PCDHA2: variants seen among roughly 807,000 people sequenced by gnomAD.
The protein encoded by PCDHA2 is protocadherin alpha-2.
A neutral mutation model predicts 66.0 loss-of-function variants in PCDHA2; 58 were observed. The observed-to-expected ratio is 0.88, with a 90% CI of 0.71 to 1.09. The LOEUF (loss-of-function observed/expected upper bound fraction) is 1.09. Among genes scored for constraint, PCDHA2 ranks in the 50% least tolerant of loss-of-function variants. The probability of loss-of-function intolerance (pLI) is 0.00; values close to 1 mark genes in which losing one functional copy is unlikely to be tolerated. For synonymous variants in PCDHA2, 634 were observed against 554.0 expected (o/e 1.14, Z -2.03); for missense variants, 1,267 against 1,242.3 (o/e 1.02, Z -0.30).
intron 1 of PCDHA2, among the ~76,000 whole-genome samples, chr5:140,897,558 T>A (rs1413076305): frequency 3.3e-5 from 5 of 152,186 alleles, no homozygotes; most frequent in African/African-American, 1.2e-4. Context: ...ATGGTGTATA[T>A]GTGCCACATT....
chr5:140,883,712 G>A lies in PCDHA2; in HGVS notation c.2388+86360G>A, dbSNP rs372048294. On this transcript the variant is annotated intron_variant, in intron 1 of 3. Transcript: ENST00000526136. ...CATCTTCACGGTGTCTGCTCAGGAC[G>A]CGGACGCACAGGAGAACGCGCTGGT... 1.6e-5 allele frequency: 26 copies of A among 1,613,658 alleles called. No homozygotes were observed. The highest frequency in any genetic ancestry group is 2.2e-5 in the East Asian group (1 of 44,880).
chr5:140,967,273 A>G lies in PCDHA2; in HGVS notation c.2389-11676A>G, dbSNP rs2096121712. The G allele has an allele frequency of 1.9e-6, 3 of 1,613,332 alleles. No individual in the cohort carries two copies. Among genetic ancestry groups the G allele is most frequent in the South Asian group, 2.2e-5 (2 of 91,074 alleles). On this transcript the variant is annotated intron_variant, in intron 1 of 3. Transcript: ENST00000526136. ...TGGCGCCTGGAGCGCGCTTTCACAT[A>G]GAGAGTGCGCAGGACCCCGACGTGG...
intron 1 of PCDHA2, chr5:140,803,901 A>G: frequency 1.9e-6 from 1 of 524,668 alleles, no homozygotes; most frequent in South Asian, 2.4e-5. Flanking sequence ...CATTATTTAG[A>G]GAATCTGACT....
At position 140,795,928 on chromosome 5, in the gene PCDHA2, G is replaced by T; in HGVS notation, c.964G>T (p.Ala322Ser). The change falls in exon 1 of 4, where the codon GCA becomes TCA. Residue 322 changes from alanine (A) to serine (S), a missense_variant. By Grantham distance (99) the Ala-to-Ser change is moderately conservative. Transcript: ENST00000526136. ...AAAGTCCTACGAGATTCAGGTCACT[G>T]CAACTGACAAAGGAACCCCTTCAAT... ...EAKSYEIQVT[A>S]TDKGTPSMSG... 1.2e-6 allele frequency: 2 copies of T among 1,613,978 alleles called. No homozygotes were observed. Among genetic ancestry groups the T allele is most frequent in the Non-Finnish European group, 1.7e-6 (2 of 1,179,920 alleles).
intron 3 of PCDHA2, among the ~76,000 whole-genome samples, chr5:140,993,462 T>TCTCACA (rs1235362335): frequency 7.1e-6 from 1 of 140,938 alleles, no homozygotes; most frequent in Non-Finnish European, 1.5e-5. Flanking sequence ...TCTTTCTTTC[T>TCTCACA]CACACACACA....
chr5:140,796,868 G>A lies in PCDHA2; in HGVS notation c.1904G>A (p.Arg635His). The change falls in exon 1 of 4, where the codon CGT (arginine) becomes CAT (histidine). Residue 635 changes from arginine (R) to histidine (H), a missense_variant. Arg to His is a conservative substitution (Grantham distance 29, BLOSUM62 0). Coordinates refer to ENST00000526136, the MANE Select transcript of PCDHA2 (RefSeq NM_018905.3). ...TACACGGGTGAGATCAGCACGACAC[G>A]TGCCCTAGACGAGGCTGACTCCCCT... The part of the protein sequence containing the change: ...GLYTGEISTT[R>H]ALDEADSPRH... 6 of 1,614,054 alleles carry A rather than the reference G, an allele frequency of 3.7e-6. No homozygotes were observed. Among genetic ancestry groups the A allele is most frequent in the Non-Finnish European group, 5.1e-6 (6 of 1,179,996 alleles).
intron 3 of PCDHA2, among the ~76,000 whole-genome samples, chr5:140,994,582 G>A (rs1179279862): frequency 6.6e-6 from 1 of 152,062 alleles, no homozygotes; most frequent in Non-Finnish European, 1.5e-5. Context: ...GCATGCACTT[G>A]TAGTCTCAGC....
At chr5:140,978,319 A>G (rs1294780698) in intron 1 of PCDHA2, among the ~76,000 whole-genome samples, 2 of 152,216 alleles carry the variant, frequency 1.3e-5, no homozygotes, top group Admixed American at 1.3e-4. Context: ...AGCAGGAACA[A>G]GTACAAGTTT....
At chr5:140,824,354 T>C (rs1554129867) in intron 1 of PCDHA2, 1 of 580,246 alleles carries the variant, frequency 1.7e-6, no homozygotes, top group African/African-American at 1.9e-5. Flanking sequence ...AATAATATTT[T>C]ATATTAGCAT....
At chr5:140,888,544 C>T (rs1295573540) in intron 1 of PCDHA2, among the ~76,000 whole-genome samples, 1 of 152,140 alleles carries the variant, frequency 6.6e-6, no homozygotes, top group Non-Finnish European at 1.5e-5. Flanking sequence ...TGCTCAGTAC[C>T]AATTTATTCC....
chr5:140,997,409 A>G (rs1378198322), intron 3 of PCDHA2, among the ~76,000 whole-genome samples: 2 of 152,180 alleles, frequency 1.3e-5, no homozygotes, highest in Non-Finnish European at 1.5e-5. Flanking sequence ...CGTATGGCCT[A>G]TTTCTCCTAG....
intron 1 of PCDHA2, chr5:140,854,215 G>A: frequency 1.5e-6 from 1 of 645,326 alleles, no homozygotes; most frequent in Non-Finnish European, 1.9e-6. Flanking sequence ...TTCAATATTG[G>A]ACATCTACAT....
chr5:140,829,704 G>A, intron 1 of PCDHA2: 2 of 1,613,434 alleles, frequency 1.2e-6, no homozygotes, highest in Non-Finnish European at 8.5e-7. Flanking sequence ...GTGAGCGCGC[G>A]CGACGCGGGC....
intron 1 of PCDHA2, chr5:140,830,318 A>G: frequency 6.2e-7 from 1 of 1,613,956 alleles, no homozygotes; most frequent in Non-Finnish European, 8.5e-7. Context: ...GGTGTGCTCC[A>G]GCGCAGTGGG....
intron 1 of PCDHA2, among the ~76,000 whole-genome samples, chr5:140,845,875 A>C: frequency 6.7e-6 from 1 of 149,840 alleles, no homozygotes; most frequent in East Asian, 1.9e-4. Context: ...AAGGCAACCT[A>C]AAATGTCAGA....
chr5:140,844,829 G>T (rs1252495421), intron 1 of PCDHA2, among the ~76,000 whole-genome samples: 2 of 148,848 alleles, frequency 1.3e-5, no homozygotes, highest in Non-Finnish European at 3.0e-5. Flanking sequence ...CTTTTTACAC[G>T]TTTGCTTCTT....
intron 1 of PCDHA2, among the ~76,000 whole-genome samples, chr5:140,820,168 C>T (rs2150106107): frequency 1.3e-5 from 2 of 151,832 alleles, no homozygotes; most frequent in East Asian, 3.9e-4. Flanking sequence ...AACTATTAGG[C>T]AAATAGTCTG....
At chr5:140,948,942 TA>T (rs34363674) in intron 1 of PCDHA2, among the ~76,000 whole-genome samples, 1 of 151,394 alleles carries the variant, frequency 6.6e-6, no homozygotes, top group Admixed American at 6.6e-5. Context: ...TCTTCTAATA[TA>T]AAAAAATTAA....
rs1554131556 is a variant in PCDHA2, at chr5:140,828,809, C to G, written c.2388+31457C>G. ...AGTGCTGGATGTGAATGATAATGCT[C>G]CCACTTTCGAACAGTCTGAATACGA... On this transcript the variant is annotated intron_variant, in intron 1 of 3. Coordinates refer to ENST00000526136, the MANE Select transcript of PCDHA2 (RefSeq NM_018905.3). The G allele has an allele frequency of 3.7e-6, 6 of 1,614,180 alleles. No individual in the cohort carries two copies. Among genetic ancestry groups the G allele is most frequent in the Non-Finnish European group, 5.1e-6 (6 of 1,180,034 alleles).
Sources: gnomAD v4.1 joint callset for allele counts (sites outside exome capture counted in the v4.1 genomes callset) on GRCh38, gnomAD v4.1.1 for gene constraint, MANE v1.5 for transcripts, NCBI Gene and HGNC (gene_info 2026-07-23, HGNC 2026-07-21) for gene names.